DHDDS: variants seen among roughly 807,000 people sequenced by gnomAD.
DHDDS encodes the protein dehydrodolichyl diphosphate synthase complex subunit DHDDS.
In DHDDS, 16 loss-of-function variants were observed where a neutral mutation model predicts 46.2. The observed-to-expected ratio is 0.35, with a 90% CI of 0.23 to 0.53. The LOEUF is 0.53. DHDDS is among the 20% of genes least tolerant of loss of function. DHDDS has a pLI of 0.94. For synonymous variants in DHDDS, 151 were observed against 163.1 expected, an observed-to-expected ratio of 0.93 and a Z score of 0.56; for missense variants, 340 against 423.7, an observed-to-expected ratio of 0.80 and a Z score of 1.73.
chr1:26,433,103 T>C, intron 2 of DHDDS, 95 bp downstream of exon 2: 3 of 1,331,810 alleles, frequency 2.3e-6, no homozygotes, highest in Non-Finnish European at 3.2e-6. Flanking sequence ...TAAGTGCAAT[T>C]CATGATGTTA....
intron 6 of DHDDS, among the ~76,000 whole-genome samples, chr1:26,457,581 A>G (rs2075382929): frequency 6.6e-6 from 1 of 151,850 alleles, no homozygotes; most frequent in South Asian, 2.1e-4. Context: ...AAAAAAAAAA[A>G]AAGAAATACC....
chr1:26,450,331 A>G (rs2075307986), intron 6 of DHDDS, among the ~76,000 whole-genome samples: 1 of 152,034 alleles, frequency 6.6e-6, no homozygotes, highest in African/African-American at 2.4e-5. Flanking sequence ...ATTTTTTGTA[A>G]AAACAGGGTC....
chr1:26,447,852 G>C, intron 6 of DHDDS, 192 bp downstream of exon 6: 1 of 657,358 alleles, frequency 1.5e-6, no homozygotes, highest in East Asian at 2.7e-5. Context: ...AAAAAAGCAG[G>C]CCTGTACCAA....
chr1:26,460,362 C>CT (rs1010615004), intron 8 of DHDDS, among the ~76,000 whole-genome samples: 5 of 152,162 alleles, frequency 3.3e-5, no homozygotes, highest in Admixed American at 6.5e-5. Flanking sequence ...TGAGGGAAGT[C>CT]TTATTAGCCC....
chr1:26,440,224 C>T (rs2075204813), intron 3 of DHDDS, among the ~76,000 whole-genome samples: 1 of 152,174 alleles, frequency 6.6e-6, no homozygotes, highest in African/African-American at 2.4e-5. Flanking sequence ...AGTTTGATGC[C>T]AGGGCCGTGA....
rs116267148 is a variant in DHDDS, at chr1:26,438,565, A to G, written c.180+281A>G. ...ATAGTCAGACCCTGTCTCTACAAAA[A>G]AATTTAAAAATTAGCCAGACTTGAT... On this transcript the variant is annotated intron_variant, in intron 3 of 8. Transcript: ENST00000236342. 1,070 of 378,290 alleles carry G rather than the reference A, an allele frequency of 2.8e-3. 10 individuals carry two copies. Among genetic ancestry groups the G allele is most frequent in the African/African-American group, 0.018 (869 of 47,790 alleles). The allele number at this position is 378,290 out of a possible 1,614,324, so 23.4% of individuals were successfully genotyped here. A position where few individuals can be genotyped will look rare whatever the true frequency, so the allele number is the denominator to read the frequency against.
intron 8 of DHDDS, among the ~76,000 whole-genome samples, chr1:26,462,347 G>A (rs1307051962): frequency 6.6e-6 from 1 of 152,116 alleles, no homozygotes; most frequent in Non-Finnish European, 1.5e-5. Flanking sequence ...TATGATAATA[G>A]TAATTATCAT....
At chr1:26,460,254 A>T in intron 8 of DHDDS, 110 bp downstream of exon 8, 1 of 888,674 alleles carries the variant, frequency 1.1e-6, no homozygotes, top group Non-Finnish European at 1.9e-6. Flanking sequence ...GATGATGATA[A>T]TGATGATAGT....
chr1:26,445,866 T>C (rs2075262586), intron 4 of DHDDS, among the ~76,000 whole-genome samples: 1 of 151,564 alleles, frequency 6.6e-6, no homozygotes, highest in South Asian at 2.1e-4. Context: ...CTACTAAAAA[T>C]ATAAAAATTA....
At chr1:26,448,119 G>A (rs55898174) in intron 6 of DHDDS, 11,955 of 225,986 alleles carry the variant, frequency 0.053, 406 homozygotes, top group Admixed American at 0.099. Flanking sequence ...TTTCATGAAT[G>A]CAGTTTGTTG....
rs145128187 is a variant in DHDDS, at chr1:26,438,532, C to T, written c.180+248C>T. 278 of 447,506 alleles carry T rather than the reference C, an allele frequency of 6.2e-4. 1 individual carries two copies. Among genetic ancestry groups the T allele is most frequent in the African/African-American group, 4.8e-3 (237 of 49,886 alleles). 27.7% of individuals were successfully genotyped at this position (447,506 alleles called of 1,614,324 possible). On this transcript the variant is annotated intron_variant, in intron 3 of 8. Transcript: ENST00000236342. ...TGAGCCCAGGGGTTCAGGACTAGCC[C>T]GGGTAACATAGTCAGACCCTGTCTC...
intron 8 of DHDDS, among the ~76,000 whole-genome samples, chr1:26,463,802 G>A (rs969278873): frequency 2.0e-4 from 30 of 151,762 alleles, no homozygotes; most frequent in African/African-American, 6.1e-4. Context: ...CACCGCGACC[G>A]GCCTGAAACT....
intron 7 of DHDDS, among the ~76,000 whole-genome samples, chr1:26,458,306 AAC>A (rs1187704410): frequency 6.6e-6 from 1 of 152,200 alleles, no homozygotes; most frequent in African/African-American, 2.4e-5. Context: ...ACAATATGCA[AAC>A]ACTCAAGTCT....
chr1:26,450,889 G>A (rs1369512533), intron 6 of DHDDS, among the ~76,000 whole-genome samples: 2 of 152,284 alleles, frequency 1.3e-5, no homozygotes, highest in African/African-American at 4.8e-5. Context: ...AAATATTCTT[G>A]TATGTATGAA....
intron 8 of DHDDS, chr1:26,462,974 CAA>C (rs1489949766): frequency 6.6e-6 from 1 of 152,056 alleles, no homozygotes; most frequent in African/African-American, 2.4e-5. Flanking sequence ...GAAGAGAATG[CAA>C]AGAGACTGAG....
intron 5 of DHDDS, among the ~76,000 whole-genome samples, chr1:26,447,059 G>T (rs2075275526): frequency 6.6e-6 from 1 of 151,988 alleles, no homozygotes; most frequent in Non-Finnish European, 1.5e-5. Flanking sequence ...TTTGGTGGCT[G>T]GGCACAGTGG....
chr1:26,466,343 A>T (rs1479902792), intron 8 of DHDDS: 1 of 152,226 alleles, frequency 6.6e-6, no homozygotes, highest in African/African-American at 2.4e-5. Context: ...GAAAGGGTAG[A>T]TTCAGACCAT....
chr1:26,448,022 G>C (rs979929827), intron 6 of DHDDS: 4 of 507,542 alleles, frequency 7.9e-6, no homozygotes, highest in Non-Finnish European at 1.4e-5. Flanking sequence ...CCCAGAGAAA[G>C]AGCAAAGCAG....
chr1:26,455,088 G>A (rs917982685), intron 6 of DHDDS: 2 of 841,560 alleles, frequency 2.4e-6, no homozygotes, highest in Admixed American at 1.7e-5. Context: ...TTGATGGCCT[G>A]GGCAGTTTCA....
Sources: allele counts gnomAD v4.1 joint callset (sites outside exome capture counted in the v4.1 genomes callset), GRCh38; gene constraint gnomAD v4.1.1; transcripts MANE v1.5; gene names NCBI Gene and HGNC (gene_info 2026-07-23, HGNC 2026-07-21).